KIAA1217: variants seen among roughly 807,000 people sequenced by gnomAD.
The protein encoded by KIAA1217 is sickle tail protein homolog.
Under a neutral mutation model 163.9 loss-of-function variants are expected in KIAA1217, and 88 were observed. The ratio of observed to expected loss-of-function variants is 0.54; its 90% CI spans 0.45 to 0.64. KIAA1217 has a LOEUF of 0.64. Ranked by LOEUF, KIAA1217 falls within the 30% of genes least tolerant of loss-of-function variation. KIAA1217 has a pLI of 0.00. For synonymous variants in KIAA1217, 903 were observed against 923.1 expected, an observed-to-expected ratio of 0.98 and a Z score of 0.39; for missense variants, 2,372 against 2,475.0, an observed-to-expected ratio of 0.96 and a Z score of 0.88.
chr10:24,418,859 C>T (rs1233263829), intron 3 of KIAA1217, among the ~76,000 whole-genome samples: 2 of 151,386 alleles, frequency 1.3e-5, no homozygotes, highest in Non-Finnish European at 2.9e-5. Context: ...GATTATTTAA[C>T]TTTTACATTT....
chr10:24,255,642 T>A, intron 2 of KIAA1217: 2 of 420,280 alleles, frequency 4.8e-6, no homozygotes, highest in Non-Finnish European at 9.5e-6. Context: ...CCCCCTGGGG[T>A]CCCTAAACTG....
chr10:24,276,663 G>A (rs912435303), intron 2 of KIAA1217, among the ~76,000 whole-genome samples: 1 of 149,146 alleles, frequency 6.7e-6, no homozygotes. Flanking sequence ...AGGCCGTAGT[G>A]CAGTGGCGCG....
chr10:24,448,169 A>G (rs953804880), intron 5 of KIAA1217, among the ~76,000 whole-genome samples: 18 of 152,130 alleles, frequency 1.2e-4, no homozygotes, highest in Non-Finnish European at 1.9e-4. Context: ...TAAGAATAAC[A>G]ATAAAGAAAA....
intron 2 of KIAA1217, among the ~76,000 whole-genome samples, chr10:24,248,539 C>G (rs1309108134): frequency 6.6e-6 from 1 of 151,678 alleles, no homozygotes; most frequent in Non-Finnish European, 1.5e-5. Context: ...GGCATGGTGG[C>G]GGGTGCCTGT....
intron 2 of KIAA1217, chr10:24,367,169 G>A (rs2050900900): frequency 2.0e-6 from 2 of 985,536 alleles, no homozygotes; most frequent in South Asian, 4.7e-5. Context: ...ACATTCAAAG[G>A]TACTTGATGA....
rs1033314869 is a variant in KIAA1217, at chr10:24,092,180, T to C, written c.-171+84806T>C. Reference sequence around the variant, plus strand: ...ACAACCCTTCCCTCCCTAAACCTCATGCCACCTCCAACCACATCCCTGCTT... The same window carrying C: ...ACAACCCTTCCCTCCCTAAACCTCACGCCACCTCCAACCACATCCCTGCTT... On this transcript the variant is annotated intron_variant, in intron 2 of 18. Coordinates refer to the KIAA1217 transcript ENST00000376462. Among the ~76,000 whole-genome samples, 19 of 151,776 alleles carry C rather than the reference T, an allele frequency of 1.3e-4. 1 individual carries two copies. Among genetic ancestry groups the C allele is most frequent in the African/African-American group, 4.1e-4 (17 of 41,114 alleles).
chr10:23,848,972 G>A (rs1379541325), intron 1 of KIAA1217, among the ~76,000 whole-genome samples: 3 of 151,990 alleles, frequency 2.0e-5, no homozygotes, highest in African/African-American at 7.3e-5. Context: ...TAAATTATTA[G>A]CTCTAGTAGT....
At chr10:23,796,258 A>T (rs1836196533) in intron 1 of KIAA1217, among the ~76,000 whole-genome samples, 2 of 152,196 alleles carry the variant, frequency 1.3e-5, no homozygotes, top group Non-Finnish European at 2.9e-5. Context: ...ACCTTGTCTT[A>T]GTCACTTCAC....
intron 2 of KIAA1217, among the ~76,000 whole-genome samples, chr10:24,038,268 A>C (rs1848480654): frequency 1.3e-5 from 2 of 152,364 alleles, no homozygotes; most frequent in South Asian, 4.1e-4. Flanking sequence ...GTGGAGAGGA[A>C]AAATAATAAA....
At chr10:24,248,460 C>CA (rs1199797586) in intron 2 of KIAA1217, among the ~76,000 whole-genome samples, 3 of 151,902 alleles carry the variant, frequency 2.0e-5, no homozygotes, top group Non-Finnish European at 4.4e-5. Flanking sequence ...CACCTGAGGT[C>CA]AGGAGTTCAA....
chr10:23,959,703 G>A lies in KIAA1217; in HGVS notation c.-320-47522G>A, dbSNP rs958837990. 3.3e-5 allele frequency among the ~76,000 whole-genome samples: 5 copies of A among 152,178 alleles called. No individual in the cohort carries two copies. In the East Asian group the frequency reaches 9.7e-4, roughly 29 times the overall value. The stretch of plus-strand genomic sequence containing the variant: ...GACAGTCCATAGGGAGGTATGACTG[G>A]ACAAAGTGGGTAAGATCTATTGTCC... On this transcript the variant is annotated intron_variant, in intron 1 of 18. Coordinates refer to the KIAA1217 transcript ENST00000376462.
chr10:24,416,311 CAGA>C (rs1297329671), intron 3 of KIAA1217, among the ~76,000 whole-genome samples: 7 of 152,180 alleles, frequency 4.6e-5, no homozygotes, highest in Non-Finnish European at 8.8e-5. Flanking sequence ...CAGATCCCTG[CAGA>C]AGTAGAGGGT....
chr10:23,905,226 TG>T (rs1842110224), intron 1 of KIAA1217, among the ~76,000 whole-genome samples: 1 of 150,438 alleles, frequency 6.6e-6, no homozygotes, highest in African/African-American at 2.4e-5. Flanking sequence ...TTGGGTGCAG[TG>T]GGGAAGATCT....
intron 9 of KIAA1217, among the ~76,000 whole-genome samples, chr10:24,503,251 G>GCC (rs1334282019): frequency 6.6e-6 from 1 of 152,184 alleles, no homozygotes; most frequent in Non-Finnish European, 1.5e-5. Flanking sequence ...ACGGTTGCTA[G>GCC]AAGAGTGAGG....
At chr10:24,160,541 A>G (rs1281607274) in intron 2 of KIAA1217, among the ~76,000 whole-genome samples, 3 of 152,244 alleles carry the variant, frequency 2.0e-5, no homozygotes, top group South Asian at 2.1e-4. Flanking sequence ...TTGTTACTTC[A>G]AACTTGAATG....
intron 2 of KIAA1217, among the ~76,000 whole-genome samples, chr10:24,060,914 A>G (rs2060699505): frequency 6.6e-6 from 1 of 152,186 alleles, no homozygotes; most frequent in African/African-American, 2.4e-5. Context: ...AAGAATGTGT[A>G]TTCTGCTGCT....
At chr10:23,881,311 A>G (rs1241757277) in intron 1 of KIAA1217, among the ~76,000 whole-genome samples, 1 of 151,998 alleles carries the variant, frequency 6.6e-6, no homozygotes, top group East Asian at 1.9e-4. Flanking sequence ...TGAAATGAAT[A>G]TATTAATGAA....
chr10:24,161,289 A>G (rs1358513826), intron 2 of KIAA1217, among the ~76,000 whole-genome samples: 1 of 152,242 alleles, frequency 6.6e-6, no homozygotes, highest in African/African-American at 2.4e-5. Flanking sequence ...CACATTTCAA[A>G]AGACAGTAAT....
intron 2 of KIAA1217, among the ~76,000 whole-genome samples, chr10:24,222,155 A>G (rs1355234814): frequency 6.6e-6 from 1 of 152,214 alleles, no homozygotes; most frequent in Non-Finnish European, 1.5e-5. Context: ...GGGAAGCCTA[A>G]TTATAATTAA....
Sources: gnomAD v4.1 joint callset for allele counts (sites outside exome capture counted in the v4.1 genomes callset) on GRCh38, gnomAD v4.1.1 for gene constraint, MANE v1.5 for transcripts, NCBI Gene and HGNC (gene_info 2026-07-23, HGNC 2026-07-21) for gene names.